P4HA2: variants seen among roughly 807,000 people sequenced by gnomAD.
The protein encoded by P4HA2 is prolyl 4-hydroxylase subunit alpha 2, also known as prolyl 4-hydroxylase subunit alpha-2.
P4HA2 carries 46 observed loss-of-function variants against 76.9 expected under a neutral mutation model. The observed-to-expected ratio is 0.60, with a 90% CI of 0.47 to 0.76. The LOEUF is 0.76. Ranked by LOEUF, P4HA2 falls within the 30% of genes least tolerant of loss-of-function variation. The pLI, the probability that P4HA2 is intolerant of heterozygous loss-of-function variation, is 0.00. For missense variants in P4HA2, 583 were observed against 669.4 expected (o/e 0.87, Z 1.42); for synonymous variants, 243 against 254.0 (o/e 0.96, Z 0.41).
In P4HA2 at chr5:132,209,770, C is replaced by CA. The variant is rs10656798; in HGVS notation, c.710-440dup. ...AGGCTGGATGAGTGAGACTCTGTCTCAAAAAAAAAAAAAAAAAAAGGTAGA... is the reference window on the plus strand; with the variant it reads ...AGGCTGGATGAGTGAGACTCTGTCTCAAAAAAAAAAAAAAAAAAAAGGTAGA... On this transcript the variant is annotated intron_variant, in intron 6 of 14. Coordinates refer to ENST00000360568, the MANE Select transcript of P4HA2 (RefSeq NM_001017974.2). Among the ~76,000 whole-genome samples the CA allele has an allele frequency of 6.3e-3, 596 of 94,996 alleles. 21 individuals carry two copies. The highest frequency in any genetic ancestry group is 0.016 in the African/African-American group (384 of 24,202). The allele number at this position is 94,996 out of a possible 152,430, so 62.3% of individuals were successfully genotyped here. A position where few individuals can be genotyped will look rare whatever the true frequency, so the allele number is the denominator to read the frequency against.
At chr5:132,201,367 T>A in intron 10 of P4HA2, 1 of 152,206 alleles carries the variant, frequency 6.6e-6, no homozygotes, top group African/African-American at 2.4e-5. Context: ...GCTGAAAGAA[T>A]GTCAACAGAT....
chr5:132,213,866 C>A (rs773607834), intron 5 of P4HA2, 50 bp downstream of exon 5: 2 of 1,597,136 alleles, frequency 1.3e-6, no homozygotes, highest in African/African-American at 2.7e-5. Flanking sequence ...ACCTGTCCCG[C>A]CACTAAAGAG....
chr5:132,225,724 A>G (rs1459850486), intron 1 of P4HA2, among the ~76,000 whole-genome samples: 112 of 152,240 alleles, frequency 7.4e-4, no homozygotes, highest in Admixed American at 7.2e-3. Flanking sequence ...AACTGAGATC[A>G]GCTGGGGCCA....
chr5:132,215,580 C>T (rs1488699655), intron 4 of P4HA2, among the ~76,000 whole-genome samples: 3 of 152,166 alleles, frequency 2.0e-5, no homozygotes, highest in Non-Finnish European at 4.4e-5. Context: ...GCCACCCTGC[C>T]CCCAGGCCCA....
intron 6 of P4HA2, 127 bp downstream of exon 6, chr5:132,210,157 T>A: frequency 9.6e-7 from 1 of 1,039,250 alleles, no homozygotes; most frequent in South Asian, 1.4e-5. Flanking sequence ...CAGTAAGGCA[T>A]TAGTCACTGG....
chr5:132,212,352 A>C (rs1459398946), intron 5 of P4HA2, among the ~76,000 whole-genome samples: 1 of 152,226 alleles, frequency 6.6e-6, no homozygotes, highest in African/African-American at 2.4e-5. Flanking sequence ...ACAAGTCAGA[A>C]TGGTATTTTG....
At chr5:132,205,719 C>T (rs1359276445) in intron 8 of P4HA2, among the ~76,000 whole-genome samples, 1 of 152,116 alleles carries the variant, frequency 6.6e-6, no homozygotes, top group African/African-American at 2.4e-5. Context: ...ATGGCCAGCA[C>T]AAGCAGGACA....
At position 132,190,538 on chromosome 5, in the gene P4HA2, A is replaced by G. The variant is rs565700663; in HGVS notation, c.*2472T>C. 1.3e-5 allele frequency among the ~76,000 whole-genome samples: 2 copies of G among 152,350 alleles called. No homozygotes were observed. The highest frequency in any genetic ancestry group is 4.8e-5 in the African/African-American group (2 of 41,584). ...AAAAAGCCCATCCTATCCTAATAAA[A>G]TATGCAAAAAATTAAAAGTAGAACT... is the stretch of plus-strand genomic sequence containing the variant. On this transcript the variant is annotated 3_prime_UTR_variant, in exon 15 of 15. Transcript: ENST00000360568.
rs371037185 is a variant in P4HA2 at position 132,225,049 on chromosome 5, G to GAAAAAA, written c.-19+2735_-19+2740dup. ...ACTTTTCATTCTCCTCTGCTCTGAG[G>GAAAAAA]AAAAAAAAAAAAAAAAAAAACTGTC... On this transcript the variant is annotated intron_variant, in intron 1 of 14. Coordinates refer to ENST00000360568, the MANE Select transcript of P4HA2 (RefSeq NM_001017974.2). Among the ~76,000 whole-genome samples the GAAAAAA allele has an allele frequency of 1.6e-3, 191 of 116,628 alleles. 2 individuals carry two copies. The highest frequency in any genetic ancestry group is 6.1e-3 in the African/African-American group (183 of 30,238). The allele number at this position is 116,628 out of a possible 152,430, so 76.5% of individuals were successfully genotyped here. A position where few individuals can be genotyped will look rare whatever the true frequency, so the allele number is the denominator to read the frequency against.
At chr5:132,203,923 A>G in intron 9 of P4HA2, 76 bp from the exon 10 acceptor site, 3 of 1,226,344 alleles carry the variant, frequency 2.4e-6, no homozygotes, top group East Asian at 2.3e-5. Context: ...CTGTCCCCAG[A>G]GTCAGGGCCA....
Position 132,209,199 on chromosome 5 carries a change from A to C in P4HA2, c.842T>G (p.Val281Gly), listed in dbSNP as rs1232959190. The change falls in exon 7 of 15, where the codon GTG (valine) becomes GGG (glycine). Residue 281 changes from valine (V) to glycine (G), a missense_variant. By Grantham distance (109) the Val-to-Gly change is moderately radical. Transcript: ENST00000360568. Reference sequence around the variant, plus strand: ...AACATCCCTCTCAGGCAGGTAGTCCACAGGCCTCTCATAGATGCCTTCTGG... The same window carrying C: ...AACATCCCTCTCAGGCAGGTAGTCCCCAGGCCTCTCATAGATGCCTTCTGG... ...ATPEGIYERPVDYLPERDVYE... is the reference protein window; with the variant it reads ...ATPEGIYERPGDYLPERDVYE... 1 of 1,613,932 alleles carries C rather than the reference A, an allele frequency of 6.2e-7. No individual in the cohort carries two copies. Among genetic ancestry groups the C allele is most frequent in the Non-Finnish European group, 8.5e-7 (1 of 1,179,952 alleles).
intron 4 of P4HA2, among the ~76,000 whole-genome samples, chr5:132,215,050 C>T (rs1753645874): frequency 6.6e-6 from 1 of 152,232 alleles, no homozygotes; most frequent in South Asian, 2.1e-4. Flanking sequence ...CCAAGAGTAG[C>T]TGTATCCACT....
Position 132,191,592 on chromosome 5 carries a change from G to A in P4HA2, c.*1418C>T, listed in dbSNP as rs1272254383. On this transcript the variant is annotated 3_prime_UTR_variant, in exon 15 of 15. Coordinates refer to ENST00000360568, the MANE Select transcript of P4HA2 (RefSeq NM_001017974.2). ...ACATTTAGTCCGTAACATGTACCAA[G>A]CTAGCTAAAATTCAAAAGTATGAAA... is the stretch of plus-strand genomic sequence containing the variant. 1.3e-5 allele frequency among the ~76,000 whole-genome samples: 2 copies of A among 150,186 alleles called. No homozygotes were observed. Among genetic ancestry groups the A allele is most frequent in the Non-Finnish European group, 2.9e-5 (2 of 67,804 alleles).
At chr5:132,204,456 G>T (rs1360208709) in intron 8 of P4HA2, among the ~76,000 whole-genome samples, 1 of 152,174 alleles carries the variant, frequency 6.6e-6, no homozygotes, top group Non-Finnish European at 1.5e-5. Context: ...CCATGCATCT[G>T]CCTGACTAGC....
chr5:132,202,656 T>C (rs1751675160), intron 10 of P4HA2: 1 of 152,234 alleles, frequency 6.6e-6, no homozygotes, highest in African/African-American at 2.4e-5. Flanking sequence ...TTGGACTCAA[T>C]ACCCAAGAGG....
In P4HA2 at chr5:132,213,946, G is replaced by A. The variant is rs763144394; in HGVS notation, c.439C>T (p.Pro147Ser). 6.2e-7 allele frequency: 1 copy of A among 1,614,160 alleles called. No homozygotes were observed. The highest frequency in any genetic ancestry group is 1.1e-5 in the South Asian group (1 of 91,086). Reference protein sequence around the residue: ...MRLQDTYRLDPGTISRGELPG... With the variant: ...MRLQDTYRLDSGTISRGELPG... ...AGTTCCCCTCTGGAAATTGTGCCTG[G>A]GTCCAGCCTGTATGTGTCCTGAAGT... is the stretch of plus-strand genomic sequence containing the variant. The change falls in exon 5 of 15, where the codon CCA (proline) becomes TCA (serine). Residue 147 changes from proline (P) to serine (S), a missense_variant. Transcript: ENST00000360568.
chr5:132,192,621 T>C lies in P4HA2; in HGVS notation c.*389A>G. The C allele has an allele frequency of 6.1e-6, 1 of 164,184 alleles. No individual in the cohort carries two copies. The highest frequency in any genetic ancestry group is 1.3e-5 in the Non-Finnish European group (1 of 75,500). The allele number at this position is 164,184 out of a possible 1,614,324, so 10.2% of individuals were successfully genotyped here. A position where few individuals can be genotyped will look rare whatever the true frequency, so the allele number is the denominator to read the frequency against. ...TCCAAGTAAGGCTCTTTAAGGCTTCTGGTAGGGACATTTTATTTTTTGGTA... is the reference window on the plus strand; with the variant it reads ...TCCAAGTAAGGCTCTTTAAGGCTTCCGGTAGGGACATTTTATTTTTTGGTA... On this transcript the variant is annotated 3_prime_UTR_variant, in exon 15 of 15. Coordinates refer to ENST00000360568, the MANE Select transcript of P4HA2 (RefSeq NM_001017974.2).
intron 5 of P4HA2, among the ~76,000 whole-genome samples, chr5:132,211,771 C>T (rs111228116): frequency 0.014 from 2,090 of 152,260 alleles, 32 homozygotes; most frequent in African/African-American, 0.034. Context: ...CTCACTAGGG[C>T]GCCAACCAGC....
chr5:132,213,390 T>C (rs960421325), intron 5 of P4HA2, among the ~76,000 whole-genome samples: 1 of 151,730 alleles, frequency 6.6e-6, no homozygotes, highest in Non-Finnish European at 1.5e-5. Context: ...GGAGAAGAGA[T>C]GAATCAGCAG....
Sources: allele counts gnomAD v4.1 joint callset (sites outside exome capture counted in the v4.1 genomes callset), GRCh38; gene constraint gnomAD v4.1.1; transcripts MANE v1.5; gene names NCBI Gene and HGNC (gene_info 2026-07-23, HGNC 2026-07-21).